CSMD1: variants seen among roughly 807,000 people sequenced by gnomAD.
CSMD1 encodes CUB and sushi domain-containing protein 1.
CSMD1 carries 213 observed loss-of-function variants against 417.5 expected under a neutral mutation model. The ratio of observed to expected loss-of-function variants is 0.51; its 90% CI spans 0.46 to 0.57. The LOEUF is 0.57. CSMD1 is among the 20% of genes least tolerant of loss of function. The pLI is 0.00. For missense variants in CSMD1, 6,923 were observed against 4,529.7 expected (o/e 1.53, Z -15.17); for synonymous variants, 2,862 against 1,736.8 (o/e 1.65, Z -16.11).
chr8:3,986,972 C>A (rs765791068), intron 5 of CSMD1, among the ~76,000 whole-genome samples: 11 of 152,144 alleles, frequency 7.2e-5, no homozygotes, highest in Non-Finnish European at 1.5e-4. Context: ...TCAGGCTGTT[C>A]TTGAACTACT....
intron 37 of CSMD1, among the ~76,000 whole-genome samples, chr8:3,168,239 T>C (rs1456506287): frequency 1.3e-5 from 2 of 152,064 alleles, no homozygotes; most frequent in Non-Finnish European, 2.9e-5. Context: ...CCATGAACAC[T>C]ATGTGGAACG....
chr8:3,041,891 C>T lies in CSMD1; in HGVS notation c.7660+10571G>A, dbSNP rs142704292. Among the ~76,000 whole-genome samples the T allele has an allele frequency of 5.9e-5, 9 of 152,302 alleles. No individual in the cohort carries two copies. In the East Asian group the frequency reaches 1.2e-3, roughly 20 times the overall value. ...AAGCAGTACAGTACAATCACGCAAA[C>T]GTTATGCTCATTTCTAAAATGTCTT... On this transcript the variant is annotated intron_variant, in intron 50 of 69. Coordinates refer to ENST00000635120, the MANE Select transcript of CSMD1 (RefSeq NM_033225.6).
intron 10 of CSMD1, among the ~76,000 whole-genome samples, chr8:3,499,118 C>T (rs1796487385): frequency 6.6e-6 from 1 of 152,120 alleles, no homozygotes; most frequent in Admixed American, 6.5e-5. Context: ...AACAATTTCT[C>T]CTAATATTAG....
intron 3 of CSMD1, among the ~76,000 whole-genome samples, chr8:4,357,224 G>C (rs974131062): frequency 1.3e-5 from 2 of 152,306 alleles, no homozygotes; most frequent in African/African-American, 4.8e-5. Flanking sequence ...TCAGTTGAAA[G>C]AGCCTCTTAC....
intron 1 of CSMD1, among the ~76,000 whole-genome samples, chr8:4,864,535 G>A (rs1802313750): frequency 6.6e-6 from 1 of 151,204 alleles, no homozygotes; most frequent in Non-Finnish European, 1.5e-5. Flanking sequence ...ATTTTTTTAT[G>A]GGCAGAGTGA....
chr8:3,886,101 A>C (rs1182881599), intron 5 of CSMD1, among the ~76,000 whole-genome samples: 1 of 151,906 alleles, frequency 6.6e-6, no homozygotes. Flanking sequence ...CCTATGCTGG[A>C]GCACAGTGCT....
chr8:3,869,194 C>T (rs1805312103), intron 5 of CSMD1, among the ~76,000 whole-genome samples: 1 of 152,176 alleles, frequency 6.6e-6, no homozygotes, highest in Non-Finnish European at 1.5e-5. Context: ...GAGGCTTCTG[C>T]ACTAGGCCCT....
intron 1 of CSMD1, among the ~76,000 whole-genome samples, chr8:4,748,342 G>A (rs868553899): frequency 6.6e-6 from 1 of 152,196 alleles, no homozygotes; most frequent in Non-Finnish European, 1.5e-5. Flanking sequence ...GTGTGCATAT[G>A]GAAATTTGTT....
At position 3,997,961 on chromosome 8, in the gene CSMD1, G is replaced by A. The variant is rs1296204491; in HGVS notation, c.760C>T (p.Gln254Ter). 6.2e-7 allele frequency: 1 copy of A among 1,611,634 alleles called. No individual in the cohort carries two copies. The highest frequency in any genetic ancestry group is 8.5e-7 in the Non-Finnish European group (1 of 1,178,870). ...DTIALVFTDFQLEEGYDFLEI... is the reference protein window; with the variant it reads ...DTIALVFTDF ...AAGAAATCATATCCTTCTTCTAGCTGAAAGTCAGTGAAGACCAGCGCAATG... is the reference window on the plus strand; with the variant it reads ...AAGAAATCATATCCTTCTTCTAGCTAAAAGTCAGTGAAGACCAGCGCAATG... The change falls in exon 5 of 70, where the codon CAG becomes TAG. Residue 254 changes from glutamine (Q) to a stop codon, truncating the protein, a stop_gained. Transcript: ENST00000635120. LOFTEE classifies it high-confidence loss of function.
At chr8:4,331,766 G>A (rs561561675) in intron 3 of CSMD1, among the ~76,000 whole-genome samples, 1 of 152,226 alleles carries the variant, frequency 6.6e-6, no homozygotes, top group East Asian at 1.9e-4. Context: ...CATGTGCCAA[G>A]TCTTCCCAGG....
chr8:3,128,043 T>G (rs1365631692), intron 41 of CSMD1: 1 of 152,162 alleles, frequency 6.6e-6, no homozygotes, highest in East Asian at 1.9e-4. Flanking sequence ...AGGAAGTCAC[T>G]AAAATCTTTA....
chr8:3,624,203 C>G (rs1000310871), intron 7 of CSMD1, among the ~76,000 whole-genome samples: 3 of 151,998 alleles, frequency 2.0e-5, no homozygotes, highest in Non-Finnish European at 4.4e-5. Flanking sequence ...TATTCCCAAC[C>G]AAACATACAC....
chr8:3,546,015 A>C (rs61161102), intron 10 of CSMD1, among the ~76,000 whole-genome samples: 7,661 of 152,306 alleles, frequency 0.05, 565 homozygotes, highest in African/African-American at 0.16. Flanking sequence ...TGACACTGAG[A>C]AAGATTTCTC....
chr8:4,619,069 G>A (rs766387676), intron 2 of CSMD1, among the ~76,000 whole-genome samples: 10 of 152,086 alleles, frequency 6.6e-5, no homozygotes, highest in East Asian at 1.9e-4. Flanking sequence ...TTCCCGGTAC[G>A]AAAGCCAAAC....
chr8:4,355,778 G>A (rs138585619), intron 3 of CSMD1, among the ~76,000 whole-genome samples: 60 of 152,244 alleles, frequency 3.9e-4, no homozygotes, highest in African/African-American at 1.4e-3. Context: ...GTCATTCATG[G>A]GTAACATGTG....
chr8:4,203,922 G>A (rs191315765), intron 3 of CSMD1, among the ~76,000 whole-genome samples: 111 of 152,106 alleles, frequency 7.3e-4, no homozygotes, highest in Admixed American at 3.4e-3. Flanking sequence ...GAAATATGGC[G>A]AAACCTCATC....
chr8:3,946,659 G>T lies in CSMD1; in HGVS notation c.818+51244C>A, dbSNP rs529676086. On this transcript the variant is annotated intron_variant, in intron 5 of 69. Coordinates refer to ENST00000635120, the MANE Select transcript of CSMD1 (RefSeq NM_033225.6). ...CTACAGATGAATAAACTTACATCTT[G>T]AAAGCCCTGCATCTTCTCATTCATG... Among the ~76,000 whole-genome samples, 8 of 152,178 alleles carry T rather than the reference G, an allele frequency of 5.3e-5. No individual in the cohort carries two copies. In the East Asian group the frequency reaches 1.5e-3, roughly 29 times the overall value.
chr8:4,325,753 C>G (rs533868519), intron 3 of CSMD1, among the ~76,000 whole-genome samples: 2 of 152,196 alleles, frequency 1.3e-5, no homozygotes, highest in African/African-American at 4.8e-5. Context: ...AATGTTATTC[C>G]TGTTGCACCC....
At chr8:4,622,616 G>A (rs1336335891) in intron 2 of CSMD1, among the ~76,000 whole-genome samples, 1 of 152,174 alleles carries the variant, frequency 6.6e-6, no homozygotes, top group Non-Finnish European at 1.5e-5. Context: ...TTACAAAGCA[G>A]AGGAAAGAAG....
Sources: gnomAD v4.1 joint callset for allele counts (sites outside exome capture counted in the v4.1 genomes callset) on GRCh38, gnomAD v4.1.1 for gene constraint, MANE v1.5 for transcripts, NCBI Gene and HGNC (gene_info 2026-07-23, HGNC 2026-07-21) for gene names.